Variants in IMMP2L observed in about 807,000 individuals in gnomAD.
IMMP2L encodes the protein mitochondrial inner membrane protease subunit 2.
A neutral mutation model predicts 19.3 loss-of-function variants in IMMP2L; 18 were observed. That is an observed-to-expected ratio of 0.93 (90% CI 0.64 to 1.38). The LOEUF (loss-of-function observed/expected upper bound fraction) is 1.38. IMMP2L is among the 40% of genes most tolerant of loss of function. The pLI, the probability that IMMP2L is intolerant of heterozygous loss-of-function variation, is 0.00. For missense variants in IMMP2L, 233 were observed against 218.2 expected (o/e 1.07, Z -0.43); for synonymous variants, 76 against 73.0 (o/e 1.04, Z -0.21).
At chr7:111,078,896 A>C (rs948829130) in intron 3 of IMMP2L, among the ~76,000 whole-genome samples, 2 of 152,038 alleles carry the variant, frequency 1.3e-5, no homozygotes, top group Admixed American at 6.6e-5. Context: ...CACATGGCTA[A>C]TTCTTCTATT....
chr7:110,673,542 G>A (rs969447523), intron 5 of IMMP2L, among the ~76,000 whole-genome samples: 6 of 152,170 alleles, frequency 3.9e-5, no homozygotes, highest in Non-Finnish European at 7.4e-5. Flanking sequence ...TCATCAGGCT[G>A]CAAATTCTCC....
chr7:111,003,483 A>T (rs946224434), intron 3 of IMMP2L, among the ~76,000 whole-genome samples: 1 of 152,052 alleles, frequency 6.6e-6, no homozygotes, highest in Non-Finnish European at 1.5e-5. Context: ...TGCCATTAAA[A>T]TTTTAGTGTT....
At chr7:111,518,948 G>A (rs1037750365) in intron 2 of IMMP2L, among the ~76,000 whole-genome samples, 5 of 152,162 alleles carry the variant, frequency 3.3e-5, no homozygotes, top group Admixed American at 2.0e-4. Context: ...AAGAGATGCT[G>A]TCATTTTCTT....
intron 3 of IMMP2L, among the ~76,000 whole-genome samples, chr7:111,242,450 T>C (rs745601966): frequency 6.6e-6 from 1 of 151,990 alleles, no homozygotes; most frequent in African/African-American, 2.4e-5. Flanking sequence ...GAGAACTACA[T>C]CACAACACTT....
At chr7:111,371,233 C>T (rs968832443) in intron 3 of IMMP2L, among the ~76,000 whole-genome samples, 8 of 151,942 alleles carry the variant, frequency 5.3e-5, no homozygotes, top group South Asian at 4.1e-4. Flanking sequence ...TTTCTCTGTA[C>T]GACTTTTCCC....
At chr7:110,989,920 A>G (rs890735413) in intron 3 of IMMP2L, among the ~76,000 whole-genome samples, 70 of 152,102 alleles carry the variant, frequency 4.6e-4, no homozygotes, top group African/African-American at 1.6e-3. Flanking sequence ...AATTCTGAGT[A>G]TTTACTATTA....
chr7:111,283,970 C>CAAAAA (rs972346409), intron 3 of IMMP2L, among the ~76,000 whole-genome samples: 17 of 48,568 alleles, frequency 3.5e-4, no homozygotes, highest in African/African-American at 9.4e-4. Flanking sequence ...GACTCCGTCT[C>CAAAAA]AAAAAAAAAA....
chr7:111,394,937 T>C, intron 3 of IMMP2L: 1 of 239,398 alleles, frequency 4.2e-6, no homozygotes. Flanking sequence ...ATTGGTGTCA[T>C]CGAAGTGGCA....
intron 5 of IMMP2L, among the ~76,000 whole-genome samples, chr7:110,818,705 C>T (rs1802759465): frequency 6.6e-6 from 1 of 151,898 alleles, no homozygotes; most frequent in Non-Finnish European, 1.5e-5. Flanking sequence ...GACTTGGAAC[C>T]AACCCAAATG....
chr7:110,875,907 A>G (rs1809012582), intron 5 of IMMP2L, among the ~76,000 whole-genome samples: 1 of 152,090 alleles, frequency 6.6e-6, no homozygotes, highest in Non-Finnish European at 1.5e-5. Flanking sequence ...CTTTCTTTCC[A>G]CTGAGTACGT....
intron 4 of IMMP2L, among the ~76,000 whole-genome samples, chr7:110,956,860 C>G (rs1311665719): frequency 6.6e-6 from 1 of 151,930 alleles, no homozygotes; most frequent in Non-Finnish European, 1.5e-5. Flanking sequence ...GATGCCTTAA[C>G]AATTTCATTT....
chr7:110,859,736 T>C (rs1807181683), intron 5 of IMMP2L, among the ~76,000 whole-genome samples: 3 of 148,200 alleles, frequency 2.0e-5, no homozygotes, highest in African/African-American at 7.5e-5. Flanking sequence ...GGTGACAGAG[T>C]GAGACCCTGT....
At chr7:110,893,782 A>G (rs2129546388) in intron 4 of IMMP2L, among the ~76,000 whole-genome samples, 1 of 152,300 alleles carries the variant, frequency 6.6e-6, no homozygotes, top group East Asian at 1.9e-4. Flanking sequence ...TATAAATGAA[A>G]TGGTTGGCTC....
At chr7:111,345,090 T>A (rs1472250763) in intron 3 of IMMP2L, among the ~76,000 whole-genome samples, 1 of 152,120 alleles carries the variant, frequency 6.6e-6, no homozygotes, top group African/African-American at 2.4e-5. Flanking sequence ...TAGAGTTTTA[T>A]TGAACAGATT....
chr7:110,738,242 G>A (rs895200959), intron 5 of IMMP2L, among the ~76,000 whole-genome samples: 19 of 152,222 alleles, frequency 1.2e-4, no homozygotes, highest in African/African-American at 4.6e-4. Context: ...GAATTCAAAA[G>A]GTTGATTATT....
chr7:111,501,340 C>T (rs1585382424), intron 2 of IMMP2L, among the ~76,000 whole-genome samples: 1 of 152,112 alleles, frequency 6.6e-6, no homozygotes, highest in African/African-American at 2.4e-5. Flanking sequence ...ACCAAATCTA[C>T]GTCTGATTGG....
rs13238882 is a variant in IMMP2L at position 111,047,196 on chromosome 7, T to G, written c.240-83631A>C. Among the ~76,000 whole-genome samples the G allele has an allele frequency of 6.6e-4, 88 of 133,294 alleles. 1 individual carries two copies. The highest frequency in any genetic ancestry group is 2.2e-3 in the South Asian group (9 of 4,074). The allele number at this position is 133,294 out of a possible 152,430, so 87.4% of individuals were successfully genotyped here. A position where few individuals can be genotyped will look rare whatever the true frequency, so the allele number is the denominator to read the frequency against. ...TTTTGTTTTTTTTTTGTTTTTTTTT[T>G]GTTTTTTTTGAGACAGAGTTTCACT... On this transcript the variant is annotated intron_variant, in intron 3 of 5. Transcript: ENST00000405709.
chr7:110,873,342 A>C (rs1402871627), intron 5 of IMMP2L, among the ~76,000 whole-genome samples: 1 of 143,880 alleles, frequency 7.0e-6, no homozygotes, highest in Non-Finnish European at 1.5e-5. Context: ...AGGCACAAAA[A>C]TCCTTTGAAC....
At chr7:110,810,810 T>C (rs543730256) in intron 5 of IMMP2L, among the ~76,000 whole-genome samples, 1 of 152,234 alleles carries the variant, frequency 6.6e-6, no homozygotes, top group South Asian at 2.1e-4. Flanking sequence ...TGATATGTTA[T>C]TTAAGCCTCA....
Sources: gnomAD v4.1 joint callset for allele counts (sites outside exome capture counted in the v4.1 genomes callset) on GRCh38, gnomAD v4.1.1 for gene constraint, MANE v1.5 for transcripts, NCBI Gene and HGNC (gene_info 2026-07-23, HGNC 2026-07-21) for gene names.